FIBIN: variants seen among roughly 807,000 people sequenced by gnomAD.
FIBIN encodes the protein fin bud initiation factor homolog, also known as fin bud initiation factor homolog (zebrafish).
A neutral mutation model predicts 13.0 loss-of-function variants in FIBIN; 8 were observed. That is an observed-to-expected ratio of 0.62 (90% CI 0.36 to 1.11). The LOEUF is 1.11. Among genes scored for constraint, FIBIN ranks in the 50% most tolerant of loss-of-function variants. FIBIN has a pLI of 0.02. For synonymous variants in FIBIN, 127 were observed against 114.7 expected, an observed-to-expected ratio of 1.11 and a Z score of -0.69; for missense variants, 261 against 260.2, an observed-to-expected ratio of 1.00 and a Z score of -0.02.
Position 26,994,873 on chromosome 11 carries a change from GCAAGTACCT to G in FIBIN, c.348_356del (p.Lys117_Leu119del). 6.3e-7 allele frequency: 1 copy of G among 1,599,622 alleles called. No individual in the cohort carries two copies. The highest frequency in any genetic ancestry group is 8.5e-7 in the Non-Finnish European group (1 of 1,172,426). On this transcript the variant is annotated inframe_deletion, in exon 1 of 1. Transcript: ENST00000318627. ...GACCTAGACGGGGAAGAGAGCTATGGCAAGTACCTGCGGCGGGAGTCCCACCAGATCGGG... is the reference window on the plus strand; with the variant it reads ...GACCTAGACGGGGAAGAGAGCTATGGGCGGCGGGAGTCCCACCAGATCGGG...
chr11:26,995,076 A>G lies in FIBIN; in HGVS notation c.550A>G (p.Arg184Gly). 1 of 1,614,130 alleles carries G rather than the reference A, an allele frequency of 6.2e-7. No homozygotes were observed. The highest frequency in any genetic ancestry group is 8.5e-7 in the Non-Finnish European group (1 of 1,180,008). Residue 184 changes from arginine (R) to glycine (G), a missense_variant, in exon 1 of 1, where the codon AGG becomes GGG. Transcript: ENST00000318627. ...GACACTGGACATCTCTGTGGGGCTC[A>G]GGGACAAATACGAGCTGCTGGCCCT... ...KETLDISVGL[R>G]DKYELLALTI...
In FIBIN at chr11:26,994,411, G is replaced by A; in HGVS notation, c.-116G>A. 9.8e-7 allele frequency: 1 copy of A among 1,025,446 alleles called. No individual in the cohort carries two copies. Among genetic ancestry groups the A allele is most frequent in the Non-Finnish European group, 1.4e-6 (1 of 703,382 alleles). The allele number at this position is 1,025,446 out of a possible 1,614,324, so 63.5% of individuals were successfully genotyped here. On this transcript the variant is annotated 5_prime_UTR_variant, in exon 1 of 1. Coordinates refer to ENST00000318627, the MANE Select transcript of FIBIN (RefSeq NM_203371.2). ...CTGGGGGCCAGGGAGCAGCAAGCCA[G>A]CTGGGACTGAGGCGGACGCTGTCTC...
In FIBIN at chr11:26,995,069, G is replaced by A; in HGVS notation, c.543G>A (p.Val181=). The change falls in exon 1 of 1, where the codon GTG becomes GTA. Residue 181 remains valine (V), a synonymous_variant. Transcript: ENST00000318627. ...TGAAGGAGACACTGGACATCTCTGT[G>A]GGGCTCAGGGACAAATACGAGCTGC... is the stretch of plus-strand genomic sequence containing the variant. ...SLLKETLDIS[V]GLRDKYELLA... is the part of the protein sequence containing the mutation. 6.2e-7 allele frequency: 1 copy of A among 1,614,136 alleles called. No individual in the cohort carries two copies. Among genetic ancestry groups the A allele is most frequent in the Non-Finnish European group, 8.5e-7 (1 of 1,180,026 alleles).
Position 26,995,446 on chromosome 11 carries a change from T to G in FIBIN, c.*284T>G. 3.1e-6 allele frequency: 1 copy of G among 326,438 alleles called. No individual in the cohort carries two copies. Among genetic ancestry groups the G allele is most frequent in the South Asian group, 6.8e-5 (1 of 14,610 alleles). The allele number at this position is 326,438 out of a possible 1,614,324, so 20.2% of individuals were successfully genotyped here. A position where few individuals can be genotyped will look rare whatever the true frequency, so the allele number is the denominator to read the frequency against. ...TCATTTCTAGATGGGTTTCTAATTC[T>G]GCAGAGACACCCGTTTCAGCCACAT... On this transcript the variant is annotated 3_prime_UTR_variant, in exon 1 of 1. Transcript: ENST00000318627.
chr11:26,996,612 T>C lies in FIBIN; in HGVS notation c.*1450T>C, dbSNP rs1850931454. On this transcript the variant is annotated 3_prime_UTR_variant, in exon 1 of 1. Transcript: ENST00000318627. Reference sequence around the variant, plus strand: ...CTTTCTTGTTGCATATATGCACAGATACACACACACACACACACGAAAATA... The same window carrying C: ...CTTTCTTGTTGCATATATGCACAGACACACACACACACACACACGAAAATA... Among the ~76,000 whole-genome samples, 1 of 150,534 alleles carries C rather than the reference T, an allele frequency of 6.6e-6. No homozygotes were observed. Among genetic ancestry groups the C allele is most frequent in the African/African-American group, 2.4e-5 (1 of 41,076 alleles).
chr11:26,994,769 G>A lies in FIBIN; in HGVS notation c.243G>A (p.Arg81=), dbSNP rs778727672. The A allele has an allele frequency of 1.9e-6, 3 of 1,612,842 alleles. No individual in the cohort carries two copies. The highest frequency in any genetic ancestry group is 2.2e-5 in the South Asian group (2 of 91,028). Residue 81 remains arginine, a synonymous_variant, in exon 1 of 1, where the codon CGG becomes CGA. Transcript: ENST00000318627. Reference sequence around the variant, plus strand: ...GCAGCCTGCTGAGCCTCACCCTGCGGGAGGAGTTCACCGTGCTGGGCCGCC... The same window carrying A: ...GCAGCCTGCTGAGCCTCACCCTGCGAGAGGAGTTCACCGTGCTGGGCCGCC... ...QVGSLLSLTL[R]EEFTVLGRQV...
Position 26,995,213 on chromosome 11 carries a change from G to T in FIBIN, c.*51G>T. 1 of 1,526,228 alleles carries T rather than the reference G, an allele frequency of 6.6e-7. No individual in the cohort carries two copies. Among genetic ancestry groups the T allele is most frequent in the Non-Finnish European group, 8.8e-7 (1 of 1,134,340 alleles). 94.5% of individuals were successfully genotyped at this position (1,526,228 alleles called of 1,614,324 possible). ...AGGGAATCAAATCAGCCCCGTTTTGGAGGGTGGGGGACAGAAGATGGGGCT... is the reference window on the plus strand; with the variant it reads ...AGGGAATCAAATCAGCCCCGTTTTGTAGGGTGGGGGACAGAAGATGGGGCT... On this transcript the variant is annotated 3_prime_UTR_variant, in exon 1 of 1. Coordinates refer to ENST00000318627, the MANE Select transcript of FIBIN (RefSeq NM_203371.2).
At position 26,995,097 on chromosome 11, in the gene FIBIN, GC is replaced by G; in HGVS notation, c.574del (p.Leu192SerfsTer10). The G allele has an allele frequency of 6.2e-7, 1 of 1,613,910 alleles. No homozygotes were observed. Among genetic ancestry groups the G allele is most frequent in the Non-Finnish European group, 8.5e-7 (1 of 1,179,946 alleles). On this transcript the variant is annotated frameshift_variant, in exon 1 of 1. Transcript: ENST00000318627. LOFTEE classifies it high-confidence loss of function. ...VGLRDKYELL[A>X]LTIRSHGTRL... ...GCTCAGGGACAAATACGAGCTGCTG[GC>G]CCTCACCATTAGGAGCCATGGGACC...
rs1850924885 is a variant in FIBIN at position 26,996,092 on chromosome 11, T to C, written c.*930T>C. On this transcript the variant is annotated 3_prime_UTR_variant, in exon 1 of 1. Transcript: ENST00000318627. ...TAATAACTCCTTAGCTAAGTTTTAT[T>C]ATTCAGGCAATAAACATGTTTTCAT... is the stretch of plus-strand genomic sequence containing the variant. The C allele has an allele frequency of 2.4e-5, 4 of 166,938 alleles. No individual in the cohort carries two copies. The Admixed American group carries it at 2.6e-4, about 11-fold the overall frequency. The allele number at this position is 166,938 out of a possible 1,614,324, so 10.3% of individuals were successfully genotyped here.
Position 26,994,980 on chromosome 11 carries a change from A to G in FIBIN, c.454A>G (p.Ser152Gly), listed in dbSNP as rs144294030. 27 of 1,614,022 alleles carry G rather than the reference A, an allele frequency of 1.7e-5. No homozygotes were observed. Among genetic ancestry groups the G allele is most frequent in the Middle Eastern group, 3.3e-4 (2 of 6,062 alleles). ...SKFKQGQEQD[S>G]RQESRLNEDF... Reference sequence around the variant, plus strand: ...GTTCAAGCAGGGCCAGGAACAGGACAGCCGGCAGGAGAGCAGGCTCAACGA... The same window carrying G: ...GTTCAAGCAGGGCCAGGAACAGGACGGCCGGCAGGAGAGCAGGCTCAACGA... The change falls in exon 1 of 1, where the codon AGC becomes GGC. Residue 152 changes from serine to glycine, a missense_variant. Physicochemically the swap from Ser to Gly is moderately conservative, Grantham distance 56. Coordinates refer to ENST00000318627, the MANE Select transcript of FIBIN (RefSeq NM_203371.2).
rs1215263183 is a variant in FIBIN, at chr11:26,994,627, A to T, written c.101A>T (p.His34Leu). 3 of 1,613,884 alleles carry T rather than the reference A, an allele frequency of 1.9e-6. No homozygotes were observed. The highest frequency in any genetic ancestry group is 2.5e-6 in the Non-Finnish European group (3 of 1,180,018). ...CCAGAGATGTCCAATGGGACTCTGC[A>T]CCACTACTTCGTGCCCGATGGGGAC... ...LYPEMSNGTL[H>L]HYFVPDGDYE... The change falls in exon 1 of 1, where the codon CAC becomes CTC. Residue 34 changes from histidine (H) to leucine (L), a missense_variant. His to Leu is a moderately conservative substitution (Grantham distance 99, BLOSUM62 -3). Coordinates refer to ENST00000318627, the MANE Select transcript of FIBIN (RefSeq NM_203371.2).
chr11:26,994,294 G>C lies in FIBIN; in HGVS notation c.-233G>C. ...CTGTGCCGGAGGAGTTCCAGTCACC[G>C]AGCGAGGGGCGCAAGGGTGGGTGCA... On this transcript the variant is annotated 5_prime_UTR_variant, in exon 1 of 1. Coordinates refer to ENST00000318627, the MANE Select transcript of FIBIN (RefSeq NM_203371.2). 4.4e-6 allele frequency: 2 copies of C among 450,738 alleles called. No individual in the cohort carries two copies. The highest frequency in any genetic ancestry group is 7.8e-6 in the Non-Finnish European group (2 of 256,162). 27.9% of individuals were successfully genotyped at this position (450,738 alleles called of 1,614,324 possible). A position where few individuals can be genotyped will look rare whatever the true frequency, so the allele number is the denominator to read the frequency against.
rs2133348280 is a variant in FIBIN, at chr11:26,996,208, G to T, written c.*1046G>T. ...AAGGAGAGAGAAGGACTGGATTTAA[G>T]CCAGTTTACTTAGAGTATATGATAA... On this transcript the variant is annotated 3_prime_UTR_variant, in exon 1 of 1. Transcript: ENST00000318627. The T allele has an allele frequency of 6.0e-6, 1 of 166,948 alleles. No homozygotes were observed. The highest frequency in any genetic ancestry group is 2.4e-5 in the African/African-American group (1 of 41,564). 10.3% of individuals were successfully genotyped at this position (166,948 alleles called of 1,614,324 possible). A position where few individuals can be genotyped will look rare whatever the true frequency, so the allele number is the denominator to read the frequency against.
rs1590141995 is a variant in FIBIN at position 26,994,356 on chromosome 11, T to G, written c.-171T>G. The G allele has an allele frequency of 1.7e-6, 1 of 594,136 alleles. No homozygotes were observed. Among genetic ancestry groups the G allele is most frequent in the African/African-American group, 1.9e-5 (1 of 53,372 alleles). 36.8% of individuals were successfully genotyped at this position (594,136 alleles called of 1,614,324 possible). A position where few individuals can be genotyped will look rare whatever the true frequency, so the allele number is the denominator to read the frequency against. On this transcript the variant is annotated 5_prime_UTR_variant, in exon 1 of 1. Transcript: ENST00000318627. ...GGCGGGCGCGCTACCCAGACGCTGG[T>G]GTGCAGAGCCACATGAAGCCTGCTG...
rs755624469 is a variant in FIBIN, at chr11:26,995,088, G to A, written c.562G>A (p.Glu188Lys). ...DISVGLRDKY[E>K]LLALTIRSHG... ...CTCTGTGGGGCTCAGGGACAAATAC[G>A]AGCTGCTGGCCCTCACCATTAGGAG... is the stretch of plus-strand genomic sequence containing the variant. The change falls in exon 1 of 1, where the codon GAG becomes AAG. Residue 188 changes from glutamate (E) to lysine (K), a missense_variant. Physicochemically the swap from Glu to Lys is moderately conservative, Grantham distance 56. Transcript: ENST00000318627. The A allele has an allele frequency of 6.2e-7, 1 of 1,613,998 alleles. No homozygotes were observed. Among genetic ancestry groups the A allele is most frequent in the South Asian group, 1.1e-5 (1 of 91,064 alleles).
chr11:26,995,266 T>C lies in FIBIN; in HGVS notation c.*104T>C. The C allele has an allele frequency of 8.5e-7, 1 of 1,173,112 alleles. No homozygotes were observed. The highest frequency in any genetic ancestry group is 1.2e-6 in the Non-Finnish European group (1 of 844,444). The allele number at this position is 1,173,112 out of a possible 1,614,324, so 72.7% of individuals were successfully genotyped here. A position where few individuals can be genotyped will look rare whatever the true frequency, so the allele number is the denominator to read the frequency against. On this transcript the variant is annotated 3_prime_UTR_variant, in exon 1 of 1. Coordinates refer to ENST00000318627, the MANE Select transcript of FIBIN (RefSeq NM_203371.2). ...ATTTCCCCCATACCTACTATTTTTT[T>C]ATATCCCGATTTGCACTTTGAGAAT...
chr11:26,995,055 C>A lies in FIBIN; in HGVS notation c.529C>A (p.Leu177Met). The A allele has an allele frequency of 3.7e-6, 6 of 1,614,126 alleles. No homozygotes were observed. Among genetic ancestry groups the A allele is most frequent in the Non-Finnish European group, 5.1e-6 (6 of 1,180,018 alleles). The change falls in exon 1 of 1, where the codon CTG becomes ATG. Residue 177 changes from leucine to methionine, a missense_variant. By Grantham distance (15) the Leu-to-Met change is conservative. Transcript: ENST00000318627. ...CACCAGGTCCCTGCTGAAGGAGACA[C>A]TGGACATCTCTGTGGGGCTCAGGGA... The part of the protein sequence containing the change: ...VHTRSLLKET[L>M]DISVGLRDKY...
Position 26,996,893 on chromosome 11 carries a change from A to C in FIBIN, c.*1731A>C, listed in dbSNP as rs556906380. On this transcript the variant is annotated 3_prime_UTR_variant, in exon 1 of 1. Coordinates refer to ENST00000318627, the MANE Select transcript of FIBIN (RefSeq NM_203371.2). Reference sequence around the variant, plus strand: ...ATGAGAGAGAGTGGTCGAATGCCTGAAATTTTGCTTAACTTACTGTACTTA... The same window carrying C: ...ATGAGAGAGAGTGGTCGAATGCCTGCAATTTTGCTTAACTTACTGTACTTA... Among the ~76,000 whole-genome samples, 4 of 152,274 alleles carry C rather than the reference A, an allele frequency of 2.6e-5. No individual in the cohort carries two copies. Among genetic ancestry groups the C allele is most frequent in the Admixed American group, 6.5e-5 (1 of 15,300 alleles).
In FIBIN at chr11:26,994,926, G is replaced by A; in HGVS notation, c.400G>A (p.Asp134Asn). The A allele has an allele frequency of 6.2e-7, 1 of 1,610,298 alleles. No homozygotes were observed. The highest frequency in any genetic ancestry group is 1.1e-5 in the South Asian group (1 of 90,486). The change falls in exon 1 of 1, where the codon GAC becomes AAC. Residue 134 changes from aspartate to asparagine, a missense_variant. Coordinates refer to ENST00000318627, the MANE Select transcript of FIBIN (RefSeq NM_203371.2). ...GATCGGGGATGCCTACTCCAACTCG[G>A]ACAAATCCCTCACTGAGCTGGAGAG... The part of the protein sequence containing the change: ...HQIGDAYSNS[D>N]KSLTELESKF...
Sources: allele counts gnomAD v4.1 joint callset (sites outside exome capture counted in the v4.1 genomes callset), GRCh38; gene constraint gnomAD v4.1.1; transcripts MANE v1.5; gene names NCBI Gene and HGNC (gene_info 2026-07-23, HGNC 2026-07-21).